Variants in PCDH15 observed in about 807,000 individuals in gnomAD.
PCDH15 encodes the protein protocadherin-15.
Under a neutral mutation model 178.5 loss-of-function variants are expected in PCDH15, and 129 were observed. That is an observed-to-expected ratio of 0.72 (90% CI 0.63 to 0.84). The LOEUF (loss-of-function observed/expected upper bound fraction) is 0.84, where lower values mean the gene tolerates loss of function less well. PCDH15 is among the 40% of genes least tolerant of loss of function. The probability of loss-of-function intolerance (pLI) is 0.00; values close to 1 mark genes in which losing one functional copy is unlikely to be tolerated. For synonymous variants in PCDH15, 800 were observed against 732.0 expected (o/e 1.09, Z -1.50); for missense variants, 2,230 against 2,099.9 (o/e 1.06, Z -1.21).
chr10:55,220,650 C>T (rs1029691744), intron 1 of PCDH15, among the ~76,000 whole-genome samples: 7 of 151,918 alleles, frequency 4.6e-5, no homozygotes, highest in African/African-American at 7.3e-5. Flanking sequence ...TAAGTACGTA[C>T]GTATCTAAAC....
chr10:54,079,042 A>G (rs569991237), intron 17 of PCDH15, among the ~76,000 whole-genome samples: 5 of 152,336 alleles, frequency 3.3e-5, no homozygotes, highest in Admixed American at 6.5e-5. Context: ...AATGACAGAC[A>G]CAATGGAATA....
At chr10:53,892,261 G>A (rs1378602836) in intron 26 of PCDH15, among the ~76,000 whole-genome samples, 10 of 151,714 alleles carry the variant, frequency 6.6e-5, no homozygotes, top group Non-Finnish European at 1.0e-4. Context: ...TCCTGACCTC[G>A]TGATCCACCC....
intron 2 of PCDH15, among the ~76,000 whole-genome samples, chr10:55,045,739 A>G (rs1292090237): frequency 6.6e-6 from 1 of 152,088 alleles, no homozygotes; most frequent in Non-Finnish European, 1.5e-5. Context: ...CTTATAAAGA[A>G]CAGCTCATGA....
chr10:54,714,628 G>A (rs551813071), intron 1 of PCDH15, among the ~76,000 whole-genome samples: 10 of 152,104 alleles, frequency 6.6e-5, no homozygotes, highest in African/African-American at 2.4e-4. Flanking sequence ...CATATCTTAG[G>A]ATATCTTTTA....
At chr10:55,478,159 A>G (rs1365712393) in intron 2 of PCDH15, among the ~76,000 whole-genome samples, 2 of 151,828 alleles carry the variant, frequency 1.3e-5, no homozygotes, top group African/African-American at 4.8e-5. Flanking sequence ...TGATGCACCT[A>G]AATACATGAA....
chr10:54,665,084 G>C (rs1374966257), intron 1 of PCDH15, among the ~76,000 whole-genome samples: 1 of 151,780 alleles, frequency 6.6e-6, no homozygotes, highest in Middle Eastern at 3.2e-3. Flanking sequence ...CTAGGGATTG[G>C]AACACTGTTT....
At chr10:55,247,442 C>T (rs147452856) in intron 1 of PCDH15, among the ~76,000 whole-genome samples, 1,601 of 152,194 alleles carry the variant, frequency 0.011, 39 homozygotes, top group African/African-American at 0.037. Context: ...TCCATTTATA[C>T]TCTGCAAAGA....
Position 54,982,872 on chromosome 10 carries a change from A to G in PCDH15, c.-79-85372T>C, listed in dbSNP as rs1312677355. 1.3e-4 allele frequency among the ~76,000 whole-genome samples: 20 copies of G among 152,262 alleles called. No homozygotes were observed. In the East Asian group the frequency reaches 3.7e-3, roughly 28 times the overall value. Reference sequence around the variant, plus strand: ...AATTATGTACTACACATTGGCATTTATTATCAAACCCAATCTTCACAAAAC... The same window carrying G: ...AATTATGTACTACACATTGGCATTTGTTATCAAACCCAATCTTCACAAAAC... On this transcript the variant is annotated intron_variant, in intron 2 of 5. Coordinates refer to the PCDH15 transcript ENST00000458638.
intron 2 of PCDH15, among the ~76,000 whole-genome samples, chr10:54,974,021 C>CCTCTCTCTCTCTCCTTCCTT (rs1564678954): frequency 1.4e-5 from 2 of 147,944 alleles, no homozygotes; most frequent in Non-Finnish European, 3.0e-5. Context: ...TCATACTAGC[C>CCTCTCTCTCTCTCCTTCCTT]CTCTCTCTCT....
chr10:53,910,071 G>T (rs2082967558), intron 25 of PCDH15, among the ~76,000 whole-genome samples: 2 of 152,154 alleles, frequency 1.3e-5, no homozygotes, highest in Admixed American at 1.3e-4. Flanking sequence ...TCCACCTCTG[G>T]GGGCAGGGCA....
intron 1 of PCDH15, among the ~76,000 whole-genome samples, chr10:55,231,839 T>C (rs1841234356): frequency 6.6e-6 from 1 of 152,020 alleles, no homozygotes; most frequent in Non-Finnish European, 1.5e-5. Context: ...AATTTATTAC[T>C]AAATTCTCGA....
chr10:53,877,693 T>G (rs922085340), intron 26 of PCDH15, among the ~76,000 whole-genome samples: 1 of 152,170 alleles, frequency 6.6e-6, no homozygotes, highest in African/African-American at 2.4e-5. Context: ...TTTTTCTTTT[T>G]GCATAGGAAG....
At chr10:54,019,246 T>C (rs2092836185) in intron 20 of PCDH15, among the ~76,000 whole-genome samples, 1 of 152,156 alleles carries the variant, frequency 6.6e-6, no homozygotes, top group African/African-American at 2.4e-5. Context: ...GAATGAACTT[T>C]TACTTTATAT....
intron 21 of PCDH15, among the ~76,000 whole-genome samples, chr10:53,975,870 T>C (rs1234409221): frequency 6.6e-6 from 1 of 152,156 alleles, no homozygotes; most frequent in African/African-American, 2.4e-5. Context: ...ATGATATTTC[T>C]TAGATTTCCT....
At chr10:54,281,602 C>T (rs2058710626) in intron 8 of PCDH15, among the ~76,000 whole-genome samples, 1 of 151,890 alleles carries the variant, frequency 6.6e-6, no homozygotes, top group South Asian at 2.1e-4. Flanking sequence ...TTAGGGTATA[C>T]AATGGAAGCA....
At chr10:54,451,606 TG>T (rs2076484780) in intron 3 of PCDH15, among the ~76,000 whole-genome samples, 1 of 151,960 alleles carries the variant, frequency 6.6e-6, no homozygotes, top group Non-Finnish European at 1.5e-5. Context: ...AAAACAAGTT[TG>T]GATAGTTTTT....
chr10:55,192,580 C>T (rs1323626912), intron 1 of PCDH15, among the ~76,000 whole-genome samples: 1 of 151,482 alleles, frequency 6.6e-6, no homozygotes, highest in Non-Finnish European at 1.5e-5. Flanking sequence ...AAGACTAATC[C>T]CAAGGAATCA....
At chr10:54,927,514 G>A (rs1837662357) in intron 2 of PCDH15, among the ~76,000 whole-genome samples, 1 of 151,934 alleles carries the variant, frequency 6.6e-6, no homozygotes, top group Non-Finnish European at 1.5e-5. Flanking sequence ...TTGATGATCT[G>A]TCTAAAACTG....
intron 2 of PCDH15, among the ~76,000 whole-genome samples, chr10:54,971,877 G>A (rs1015587970): frequency 6.6e-6 from 1 of 152,132 alleles, no homozygotes; most frequent in African/African-American, 2.4e-5. Flanking sequence ...AAGTTCTCTG[G>A]TTTAGAGTAA....
Sources: gnomAD v4.1 joint callset for allele counts (sites outside exome capture counted in the v4.1 genomes callset) on GRCh38, gnomAD v4.1.1 for gene constraint, MANE v1.5 for transcripts, NCBI Gene and HGNC (gene_info 2026-07-23, HGNC 2026-07-21) for gene names.